KLHL7: variants seen among roughly 807,000 people sequenced by gnomAD.
The protein encoded by KLHL7 is kelch like family member 7.
KLHL7 carries 44 observed loss-of-function variants against 67.4 expected under a neutral mutation model. The ratio of observed to expected loss-of-function variants is 0.65; its 90% CI spans 0.51 to 0.84. The LOEUF (loss-of-function observed/expected upper bound fraction) is 0.84, where lower values mean the gene tolerates loss of function less well. Among genes scored for constraint, KLHL7 ranks in the 40% least tolerant of loss-of-function variants. The probability of loss-of-function intolerance (pLI) is 0.00; values close to 1 mark genes in which losing one functional copy is unlikely to be tolerated. For missense variants in KLHL7, 362 were observed against 718.1 expected (o/e 0.50, Z 5.67); for synonymous variants, 252 against 243.3 (o/e 1.04, Z -0.33).
chr7:23,147,043 G>A (rs898984829), intron 6 of KLHL7, among the ~76,000 whole-genome samples: 4 of 141,334 alleles, frequency 2.8e-5, no homozygotes, highest in Admixed American at 2.1e-4. Context: ...TATTTTTGTT[G>A]TCATTGTAAA....
chr7:23,166,759 T>C (rs1217824059), intron 8 of KLHL7, among the ~76,000 whole-genome samples: 2 of 152,178 alleles, frequency 1.3e-5, no homozygotes, highest in Admixed American at 1.3e-4. Context: ...ATATTTCAAA[T>C]ACAATAAATC....
intron 4 of KLHL7, among the ~76,000 whole-genome samples, chr7:23,140,237 C>T (rs929981108): frequency 1.3e-5 from 2 of 152,128 alleles, no homozygotes; most frequent in African/African-American, 4.8e-5. Context: ...TTTGAAAACA[C>T]ATTGAAGGGG....
intron 9 of KLHL7, among the ~76,000 whole-genome samples, chr7:23,168,801 C>T (rs546953798): frequency 9.9e-5 from 15 of 152,224 alleles, no homozygotes; most frequent in Non-Finnish European, 2.1e-4. Flanking sequence ...GCTGGATTGC[C>T]CATCGTTCTT....
At chr7:23,143,640 A>G (rs1280464465) in intron 5 of KLHL7, among the ~76,000 whole-genome samples, 2 of 152,138 alleles carry the variant, frequency 1.3e-5, no homozygotes, top group Non-Finnish European at 1.5e-5. Flanking sequence ...ACATAATAGT[A>G]GTTAGTTCTA....
At chr7:23,168,122 C>T (rs1785056596) in intron 9 of KLHL7, 85 bp downstream of exon 9, 1 of 1,333,784 alleles carries the variant, frequency 7.5e-7, no homozygotes, top group African/African-American at 1.5e-5. Flanking sequence ...AGGAACCCAA[C>T]AGAAGAATTT....
At position 23,174,304 on chromosome 7, in the gene KLHL7, G is replaced by A. The variant is rs775147548; in HGVS notation, c.*6G>A. The stretch of plus-strand genomic sequence containing the variant: ...AAGAGACCCTTGAAACATGAAAAAT[G>A]AGTGGACTTCAGACTCATCAGAGAC... On this transcript the variant is annotated 3_prime_UTR_variant, in exon 11 of 11. Coordinates refer to ENST00000339077, the MANE Select transcript of KLHL7 (RefSeq NM_001031710.3). 9 of 1,613,874 alleles carry A rather than the reference G, an allele frequency of 5.6e-6. No homozygotes were observed. The highest frequency in any genetic ancestry group is 2.7e-5 in the African/African-American group (2 of 74,928).
At chr7:23,109,424 A>T (rs1253480156) in intron 1 of KLHL7, among the ~76,000 whole-genome samples, 1 of 152,280 alleles carries the variant, frequency 6.6e-6, no homozygotes, top group Non-Finnish European at 1.5e-5. Flanking sequence ...AATGAAGTCC[A>T]GGAGTCTCTT....
intron 2 of KLHL7, among the ~76,000 whole-genome samples, chr7:23,124,094 G>A (rs1166514617): frequency 7.0e-6 from 1 of 142,980 alleles, no homozygotes; most frequent in Admixed American, 7.5e-5. Context: ...TGGAGGTACA[G>A]CTTCTACTTA....
chr7:23,134,273 C>A (rs1225782053), intron 4 of KLHL7, among the ~76,000 whole-genome samples: 2 of 152,070 alleles, frequency 1.3e-5, no homozygotes, highest in Non-Finnish European at 2.9e-5. Flanking sequence ...GTACGTTGAA[C>A]CATCATTTGC....
intron 1 of KLHL7, among the ~76,000 whole-genome samples, chr7:23,121,714 G>A (rs1317667239): frequency 2.8e-5 from 4 of 141,004 alleles, no homozygotes; most frequent in African/African-American, 5.4e-5. Context: ...ATAGAGTCTC[G>A]CTCTGTTGCC....
chr7:23,137,767 C>G (rs1784031940), intron 4 of KLHL7, among the ~76,000 whole-genome samples: 1 of 148,960 alleles, frequency 6.7e-6, no homozygotes, highest in Non-Finnish European at 1.5e-5. Context: ...GCATGAGCCA[C>G]CACGCCTGGC....
rs34692665 is a variant in KLHL7, at chr7:23,117,081, C to CTTTTTTTTTTTTTTT, written c.121-6686_121-6672dup. On this transcript the variant is annotated intron_variant, in intron 1 of 10. Coordinates refer to ENST00000339077, the MANE Select transcript of KLHL7 (RefSeq NM_001031710.3). ...TCATAAAATTTTCCTAGAGCCAGGC[C>CTTTTTTTTTTTTTTT]TTTTTTTTTTTTTTTTTTTTTTTTG... 4.7e-4 allele frequency among the ~76,000 whole-genome samples: 32 copies of CTTTTTTTTTTTTTTT among 68,228 alleles called. 3 individuals carry two copies. The highest frequency in any genetic ancestry group is 6.0e-4 in the Admixed American group (3 of 4,964). The allele number at this position is 68,228 out of a possible 152,430, so 44.8% of individuals were successfully genotyped here.
chr7:23,153,437 T>G (rs1784601609), intron 7 of KLHL7, among the ~76,000 whole-genome samples: 2 of 152,222 alleles, frequency 1.3e-5, no homozygotes, highest in Non-Finnish European at 2.9e-5. Flanking sequence ...CTTTGGAACC[T>G]CCGTAAGCCC....
chr7:23,114,681 C>T lies in KLHL7; in HGVS notation c.120+8535C>T, dbSNP rs1783013880. On this transcript the variant is annotated intron_variant, in intron 1 of 10. Transcript: ENST00000339077. ...AATAACTGTTCTTTTTTGTATCATC[C>T]GAATACCAGCTTAAGAGGTTATTTA... Among the ~76,000 whole-genome samples the T allele has an allele frequency of 2.0e-5, 3 of 152,224 alleles. No individual in the cohort carries two copies. The East Asian group carries it at 5.8e-4, about 29-fold the overall frequency.
At chr7:23,166,961 T>C (rs551315157) in intron 8 of KLHL7, among the ~76,000 whole-genome samples, 16 of 152,294 alleles carry the variant, frequency 1.1e-4, no homozygotes, top group African/African-American at 3.8e-4. Flanking sequence ...AAGTTATTTT[T>C]GGTCATGACC....
At chr7:23,172,698 A>G in intron 9 of KLHL7, 1 of 338,088 alleles carries the variant, frequency 3.0e-6, no homozygotes, top group Admixed American at 4.4e-5. Context: ...GTGTTTTTTA[A>G]TAGATATCCT....
Position 23,124,753 on chromosome 7 carries a change from C to T in KLHL7, c.289C>T (p.Gln97Ter). The change falls in exon 3 of 11, where the codon CAA becomes TAA. Residue 97 changes from glutamine (Q) to a stop codon, truncating the protein, a stop_gained. Transcript: ENST00000339077. LOFTEE classifies it high-confidence loss of function. ...AGATGCTGAACCTGATATTATTGAA[C>T]AACTGGTGGAATTTGCTTATACTGC... ...LKDAEPDIIEQLVEFAYTARI... is the reference protein window; with the variant it reads ...LKDAEPDIIE The T allele has an allele frequency of 6.2e-7, 1 of 1,610,254 alleles. No individual in the cohort carries two copies. The highest frequency in any genetic ancestry group is 2.2e-5 in the East Asian group (1 of 44,852).
chr7:23,149,001 T>G (rs1004447651), intron 6 of KLHL7, among the ~76,000 whole-genome samples: 1 of 152,202 alleles, frequency 6.6e-6, no homozygotes, highest in Admixed American at 6.5e-5. Flanking sequence ...AGATCATCAG[T>G]TGTCTTCCTA....
chr7:23,168,235 C>A, intron 9 of KLHL7, 198 bp downstream of exon 9: 1 of 592,314 alleles, frequency 1.7e-6, no homozygotes, highest in Non-Finnish European at 3.0e-6. Context: ...CTTGAACTTA[C>A]ACCCCATGGG....
Sources: gnomAD v4.1 joint callset for allele counts (sites outside exome capture counted in the v4.1 genomes callset) on GRCh38, gnomAD v4.1.1 for gene constraint, MANE v1.5 for transcripts, NCBI Gene and HGNC (gene_info 2026-07-23, HGNC 2026-07-21) for gene names.